UGGT2: variants seen among roughly 807,000 people sequenced by gnomAD.
UGGT2 encodes the protein UDP-glucose glycoprotein glucosyltransferase 2, also known as UDP-glucose:glycoprotein glucosyltransferase 2.
UGGT2 carries 180 observed loss-of-function variants against 192.1 expected under a neutral mutation model. The ratio of observed to expected loss-of-function variants is 0.94; its 90% confidence interval spans 0.83 to 1.06. The LOEUF is 1.06. Among genes scored for constraint, UGGT2 ranks in the 50% least tolerant of loss-of-function variants. The probability of loss-of-function intolerance (pLI) is 0.00; values close to 1 mark genes in which losing one functional copy is unlikely to be tolerated. For synonymous variants in UGGT2, 580 were observed against 591.0 expected, an observed-to-expected ratio of 0.98 and a Z score of 0.27; for missense variants, 1,849 against 1,795.7, an observed-to-expected ratio of 1.03 and a Z score of -0.54.
chr13:95,811,049 A>G (rs564130323), intron 38 of UGGT2, among the ~76,000 whole-genome samples: 10 of 152,348 alleles, frequency 6.6e-5, no homozygotes, highest in African/African-American at 2.2e-4. Context: ...TCAAAACCAC[A>G]GTGAGATACT....
intron 34 of UGGT2, 149 bp downstream of exon 34, chr13:95,856,009 T>C: frequency 1.6e-6 from 1 of 620,566 alleles, no homozygotes; most frequent in Non-Finnish European, 2.5e-6. Context: ...ACTTTTTGTT[T>C]TTAAAGATAC....
At chr13:95,960,688 GCA>G (rs1189093249) in intron 12 of UGGT2, among the ~76,000 whole-genome samples, 1 of 152,112 alleles carries the variant, frequency 6.6e-6, no homozygotes, top group African/African-American at 2.4e-5. Context: ...AATACAGGAG[GCA>G]CAGAGATTCC....
intron 1 of UGGT2, among the ~76,000 whole-genome samples, chr13:96,047,346 C>T (rs569803041): frequency 4.6e-5 from 7 of 152,322 alleles, no homozygotes; most frequent in African/African-American, 1.7e-4. Flanking sequence ...GCTGTAGATA[C>T]CCAGGCAAAC....
intron 15 of UGGT2, among the ~76,000 whole-genome samples, chr13:95,942,221 G>GGGGGTGT (rs1285651365): frequency 8.5e-6 from 1 of 117,992 alleles, no homozygotes; most frequent in East Asian, 2.3e-4. Context: ...TTAGGGTGAG[G>GGGGGTGT]GTGTGTGTGT....
chr13:95,971,094 A>AGCG (rs1202055840), intron 11 of UGGT2, among the ~76,000 whole-genome samples: 5 of 152,148 alleles, frequency 3.3e-5, no homozygotes, highest in African/African-American at 2.4e-5. Context: ...TCAGGATCAG[A>AGCG]GCAAGAAGGG....
chr13:95,965,256 A>T lies in UGGT2; in HGVS notation c.1335+4856T>A, dbSNP rs545626616. On this transcript the variant is annotated intron_variant, in intron 12 of 38. Coordinates refer to ENST00000376747, the MANE Select transcript of UGGT2 (RefSeq NM_020121.4). Reference sequence around the variant, plus strand: ...CCATTACTGGGTATATACCCAAAGGACTATAAATCATGCTGCTATAAAGAC... The same window carrying T: ...CCATTACTGGGTATATACCCAAAGGTCTATAAATCATGCTGCTATAAAGAC... Among the ~76,000 whole-genome samples the T allele has an allele frequency of 6.5e-4, 96 of 148,612 alleles. No individual in the cohort carries two copies. The South Asian group carries it at 8.4e-3, about 13-fold the overall frequency.
chr13:96,005,588 G>A (rs1417531503), intron 5 of UGGT2, among the ~76,000 whole-genome samples: 2 of 152,212 alleles, frequency 1.3e-5, no homozygotes, highest in African/African-American at 4.8e-5. Context: ...CTGAAGACGG[G>A]AGAAATGGAA....
chr13:96,010,837 A>G (rs898541762), intron 5 of UGGT2, among the ~76,000 whole-genome samples: 1 of 152,234 alleles, frequency 6.6e-6, no homozygotes, highest in African/African-American at 2.4e-5. Context: ...AAAGAATAAC[A>G]AAGCTGGAGG....
At chr13:96,046,896 C>T (rs1054954698) in intron 1 of UGGT2, among the ~76,000 whole-genome samples, 1 of 152,196 alleles carries the variant, frequency 6.6e-6, no homozygotes, top group Non-Finnish European at 1.5e-5. Context: ...GAGATCCAAC[C>T]GCAAGGCAGC....
At chr13:96,030,813 A>G (rs1289177205) in intron 2 of UGGT2, among the ~76,000 whole-genome samples, 1 of 152,244 alleles carries the variant, frequency 6.6e-6, no homozygotes, top group Non-Finnish European at 1.5e-5. Flanking sequence ...AGGAAGATAT[A>G]CGTATATATA....
At chr13:95,859,754 T>C in intron 32 of UGGT2, 79 bp from the exon 33 acceptor site, 2 of 1,056,802 alleles carry the variant, frequency 1.9e-6, no homozygotes, top group Non-Finnish European at 2.6e-6. Context: ...TGAAGTGTTT[T>C]TTAAAATTTA....
intron 11 of UGGT2, among the ~76,000 whole-genome samples, chr13:95,972,139 T>C (rs1406809359): frequency 5.9e-5 from 2 of 34,062 alleles, no homozygotes; most frequent in East Asian, 1.6e-3. Flanking sequence ...TTGAAGAATT[T>C]TTTTTTTTTT....
At chr13:95,836,944 A>G (rs550694850) in intron 37 of UGGT2, 142 bp downstream of exon 37, 5 of 716,534 alleles carry the variant, frequency 7.0e-6, no homozygotes, top group African/African-American at 1.8e-5. Context: ...ATACTTGCCA[A>G]CCTAAGTAAA....
At position 95,927,050 on chromosome 13, in the gene UGGT2, G is replaced by A; in HGVS notation, c.2178C>T (p.Asn726=). The change falls in exon 19 of 39, where the codon AAC becomes AAT. Residue 726 remains asparagine, a synonymous_variant. Transcript: ENST00000376747. Reference sequence around the variant, plus strand: ...TACCGTCTTGGGTTAAATAATACATGTTCTTTGCAATTACAGCACTCTTAT... The same window carrying A: ...TACCGTCTTGGGTTAAATAATACATATTCTTTGCAATTACAGCACTCTTAT... ...SQDKSAVIAK[N]MYYLTQDDES... 1 of 1,609,508 alleles carries A rather than the reference G, an allele frequency of 6.2e-7. No individual in the cohort carries two copies.
At position 96,013,582 on chromosome 13, in the gene UGGT2, A is replaced by G. The variant is rs550770331; in HGVS notation, c.486-101T>C. 2.7e-5 allele frequency: 20 copies of G among 740,558 alleles called. 1 individual carries two copies. In the Admixed American group the frequency reaches 7.3e-4, roughly 27 times the overall value. The allele number at this position is 740,558 out of a possible 1,614,324, so 45.9% of individuals were successfully genotyped here. ...TATCAAACAATTCATAATATACATAATCACAGAAAAAGAATTTAAATTTCC... is the reference window on the plus strand; with the variant it reads ...TATCAAACAATTCATAATATACATAGTCACAGAAAAAGAATTTAAATTTCC... On this transcript the variant is annotated intron_variant, in intron 4 of 38. Transcript: ENST00000376747.
At chr13:95,819,711 C>G (rs1406077485) in intron 38 of UGGT2, among the ~76,000 whole-genome samples, 1 of 152,042 alleles carries the variant, frequency 6.6e-6, no homozygotes, top group Non-Finnish European at 1.5e-5. Flanking sequence ...ATAGAAATAA[C>G]AAAATCAGAA....
At position 95,881,098 on chromosome 13, in the gene UGGT2, C is replaced by T. The variant is rs201061410; in HGVS notation, c.3229-3242G>A. Among the ~76,000 whole-genome samples the T allele has an allele frequency of 1.4e-4, 22 of 152,168 alleles. No homozygotes were observed. The East Asian group carries it at 3.1e-3, about 21-fold the overall frequency. On this transcript the variant is annotated intron_variant, in intron 27 of 38. Transcript: ENST00000376747. ...CTGGGACAGGAGAATGGCATGAACCCGGGAGGCTGAGCTTGCAGTGAGCCA... is the reference window on the plus strand; with the variant it reads ...CTGGGACAGGAGAATGGCATGAACCTGGGAGGCTGAGCTTGCAGTGAGCCA...
At position 95,970,261 on chromosome 13, in the gene UGGT2, T is replaced by C; in HGVS notation, c.1186A>G (p.Ile396Val). ...VDMDVYDAFSILDMLKLEGKM... is the reference protein window; with the variant it reads ...VDMDVYDAFSVLDMLKLEGKM... ...CCTTCTAATTTCAGCATATCCAAAA[T>C]ACTATATATTCAAAGAAAAAACAGT... The change falls in exon 12 of 39, where the codon ATT becomes GTT. Residue 396 changes from isoleucine to valine, a missense_variant and splice_region_variant. By Grantham distance (29) the Ile-to-Val change is conservative. Coordinates refer to ENST00000376747, the MANE Select transcript of UGGT2 (RefSeq NM_020121.4). 2 of 1,594,268 alleles carry C rather than the reference T, an allele frequency of 1.3e-6. No homozygotes were observed. The highest frequency in any genetic ancestry group is 1.7e-6 in the Non-Finnish European group (2 of 1,173,410).
At chr13:95,998,231 G>A (rs1360117655) in intron 6 of UGGT2, among the ~76,000 whole-genome samples, 2 of 152,168 alleles carry the variant, frequency 1.3e-5, no homozygotes, top group Admixed American at 1.3e-4. Flanking sequence ...TAATAATACA[G>A]ATGATACATA....
Sources: gnomAD v4.1 joint callset for allele counts (sites outside exome capture counted in the v4.1 genomes callset) on GRCh38, gnomAD v4.1.1 for gene constraint, MANE v1.5 for transcripts, NCBI Gene and HGNC (gene_info 2026-07-23, HGNC 2026-07-21) for gene names.